VWF: variants seen among roughly 807,000 people sequenced by gnomAD.
VWF encodes the protein von Willebrand factor.
Under a neutral mutation model 308.6 loss-of-function variants are expected in VWF, and 176 were observed. The observed-to-expected ratio is 0.57, with a 90% CI of 0.50 to 0.65. VWF has a LOEUF of 0.65. Ranked by LOEUF, VWF falls within the 30% of genes least tolerant of loss-of-function variation. The pLI, the probability that VWF is intolerant of heterozygous loss-of-function variation, is 0.00. For synonymous variants in VWF, 1,385 were observed against 1,443.4 expected (o/e 0.96, Z 0.92); for missense variants, 3,146 against 3,648.2 (o/e 0.86, Z 3.55).
intron 28 of VWF, among the ~76,000 whole-genome samples, chr12:6,017,337 G>T (rs1944074740): frequency 6.6e-6 from 1 of 152,200 alleles, no homozygotes; most frequent in African/African-American, 2.4e-5. Flanking sequence ...TAAATGCCTA[G>T]TGCTCCTGTT....
In VWF at chr12:5,952,422, G is replaced by A. The variant is rs76459136; in HGVS notation, c.8084C>T (p.Pro2695Leu). 1.9e-6 allele frequency: 3 copies of A among 1,613,958 alleles called. No individual in the cohort carries two copies. Among genetic ancestry groups the A allele is most frequent in the Admixed American group, 3.3e-5 (2 of 60,008 alleles). Residue 2695 changes from proline to leucine, a missense_variant, in exon 49 of 52, where the codon CCC becomes CTC. Physicochemically the swap from Pro to Leu is moderately conservative, Grantham distance 98. This residue lies in a region of VWF where 989 missense variants were observed against 1,117.4 expected (regional missense o/e 0.89). Transcript: ENST00000261405. Reference sequence around the variant, plus strand: ...AGCCAGACACTTGTGTTCATCAAAGGGTGGGCAGCCTGTGACCCTCTTCTC... The same window carrying A: ...AGCCAGACACTTGTGTTCATCAAAGAGTGGGCAGCCTGTGACCCTCTTCTC... ...FWEKRVTGCP[P>L]FDEHKCLAEG...
At chr12:6,031,305 C>A in intron 21 of VWF, 139 bp downstream of exon 21, 1 of 1,437,458 alleles carries the variant, frequency 7.0e-7, no homozygotes, top group South Asian at 1.2e-5. Context: ...CGGTCAGTTG[C>A]AATAGCTCTG....
chr12:6,090,954 C>T (rs1945027984), intron 6 of VWF, among the ~76,000 whole-genome samples: 1 of 152,182 alleles, frequency 6.6e-6, no homozygotes, highest in African/African-American at 2.4e-5. Flanking sequence ...TCCTCCCTTC[C>T]ACAAGACAGC....
intron 6 of VWF, among the ~76,000 whole-genome samples, chr12:6,080,805 C>T (rs955728738): frequency 1.1e-4 from 16 of 152,236 alleles, no homozygotes; most frequent in African/African-American, 3.9e-4. Context: ...GTTCCCACGC[C>T]CTCAGACCCT....
intron 18 of VWF, among the ~76,000 whole-genome samples, chr12:6,040,033 C>G (rs1326053041): frequency 6.6e-6 from 1 of 152,092 alleles, no homozygotes; most frequent in African/African-American, 2.4e-5. Context: ...AAGGCTTGAC[C>G]CGGCTCTGTT....
At chr12:6,117,052 G>A (rs1163037827) in intron 3 of VWF, among the ~76,000 whole-genome samples, 1 of 151,164 alleles carries the variant, frequency 6.6e-6, no homozygotes, top group Non-Finnish European at 1.5e-5. Flanking sequence ...CCCCAAACCT[G>A]CCACCACCAC....
At chr12:6,059,001 A>G (rs1262302578) in intron 13 of VWF, among the ~76,000 whole-genome samples, 2 of 152,066 alleles carry the variant, frequency 1.3e-5, no homozygotes, top group Admixed American at 6.6e-5. Context: ...TGCGTTCTGA[A>G]TCCCTCAGGG....
chr12:5,964,088 G>A (rs184738585), intron 47 of VWF, among the ~76,000 whole-genome samples: 465 of 151,988 alleles, frequency 3.1e-3, no homozygotes, highest in South Asian at 4.8e-3. Flanking sequence ...ATGGCGGTGG[G>A]CGCCTGTAGT....
intron 40 of VWF, among the ~76,000 whole-genome samples, chr12:5,984,237 A>G (rs1017012818): frequency 4.6e-5 from 7 of 152,354 alleles, no homozygotes; most frequent in Non-Finnish European, 1.0e-4. Context: ...AGTAATGTCT[A>G]TAAAATGAGG....
rs142316574 is a variant in VWF, at chr12:5,991,943, C to T, written c.6674G>A (p.Ser2225Asn). 3.7e-6 allele frequency: 6 copies of T among 1,614,112 alleles called. No homozygotes were observed. The highest frequency in any genetic ancestry group is 5.1e-6 in the Non-Finnish European group (6 of 1,180,052). ...TTCGGAGGGATGGTCCCCACAGGAG[C>T]TCACGTTGCCATCACAGTGCCGGGG... ...GCPRHCDGNV[S>N]SCGDHPSEGC... Residue 2225 changes from serine (S) to asparagine (N), a missense_variant, in exon 38 of 52, where the codon AGC becomes AAC. Ser to Asn is a conservative substitution (Grantham distance 46). Coordinates refer to ENST00000261405, the MANE Select transcript of VWF (RefSeq NM_000552.5).
chr12:6,110,260 G>A (rs1945291718), intron 5 of VWF, 114 bp downstream of exon 5: 6 of 1,110,826 alleles, frequency 5.4e-6, no homozygotes, highest in Admixed American at 5.1e-5. Flanking sequence ...ATAAATTGAG[G>A]TGAGGTCACA....
At chr12:5,998,314 T>C (rs1943829307) in intron 34 of VWF, among the ~76,000 whole-genome samples, 1 of 150,680 alleles carries the variant, frequency 6.6e-6, no homozygotes, top group Non-Finnish European at 1.5e-5. Flanking sequence ...CTGGCTAACA[T>C]GGTGAAACCC....
chr12:6,051,987 A>T (rs1211709601), intron 16 of VWF, among the ~76,000 whole-genome samples: 1 of 152,170 alleles, frequency 6.6e-6, no homozygotes, highest in African/African-American at 2.4e-5. Context: ...TGCTCAACAA[A>T]TGTCCTGTTG....
chr12:6,072,230 G>C, intron 9 of VWF, 101 bp downstream of exon 9: 1 of 1,068,350 alleles, frequency 9.4e-7, no homozygotes, highest in Non-Finnish European at 1.4e-6. Context: ...TTCTTGGCAC[G>C]GTCCAGGTTC....
chr12:6,030,029 T>C (rs1565836121), intron 21 of VWF, among the ~76,000 whole-genome samples: 1 of 152,010 alleles, frequency 6.6e-6, no homozygotes, highest in Non-Finnish European at 1.5e-5. Context: ...ACACTGCAGG[T>C]TCAAGAAGGG....
intron 5 of VWF, among the ~76,000 whole-genome samples, chr12:6,103,331 AAT>A (rs761899431): frequency 6.8e-5 from 10 of 146,574 alleles, no homozygotes; most frequent in African/African-American, 1.5e-4. Flanking sequence ...CGTCTCAAAA[AAT>A]ATATATATAT....
chr12:6,077,025 G>A (rs1944852290), intron 6 of VWF, among the ~76,000 whole-genome samples: 1 of 152,190 alleles, frequency 6.6e-6, no homozygotes, highest in Non-Finnish European at 1.5e-5. Context: ...AGCCAAGCAG[G>A]CAGGCCTGGA....
At position 6,024,455 on chromosome 12, in the gene VWF, CCT is replaced by C. The variant is rs2136419204; in HGVS notation, c.3223-670_3223-669del. On this transcript the variant is annotated intron_variant, in intron 24 of 51. Transcript: ENST00000261405. The surrounding 1 kb of genome is among the most constrained non-coding windows in gnomAD (Gnocchi z 4.0). ...CAGTCTCAATGTCCCCAACTCCTCC[CCT>C]GTCCTCACTCTTCCAACTCAGATGC... Among the ~76,000 whole-genome samples the C allele has an allele frequency of 6.6e-6, 1 of 152,350 alleles. No homozygotes were observed. The highest frequency in any genetic ancestry group is 2.1e-4 in the South Asian group (1 of 4,828).
At chr12:5,953,399 T>C (rs1943216153) in intron 48 of VWF, 97 bp downstream of exon 48, 1 of 925,986 alleles carries the variant, frequency 1.1e-6, no homozygotes, top group East Asian at 2.4e-5. Flanking sequence ...AAGCCAATAC[T>C]GAACCAAACT....
Sources: gnomAD v4.1 joint callset for allele counts (sites outside exome capture counted in the v4.1 genomes callset) on GRCh38, gnomAD v4.1.1 for gene constraint, gnomAD v4.1.1 regional missense constraint, Gnocchi (gnomAD v3.1) non-coding constraint, MANE v1.5 for transcripts, NCBI Gene and HGNC (gene_info 2026-07-23, HGNC 2026-07-21) for gene names.